Variants in MARCHF11 observed in about 807,000 individuals in gnomAD.
The protein encoded by MARCHF11 is membrane associated ring-CH-type finger 11.
A neutral mutation model predicts 37.3 loss-of-function variants in MARCHF11; 29 were observed. That is an observed-to-expected ratio of 0.78 (90% CI 0.58 to 1.06). The LOEUF (loss-of-function observed/expected upper bound fraction) is 1.06. MARCHF11 is among the 50% of genes least tolerant of loss of function. The pLI, the probability that MARCHF11 is intolerant of heterozygous loss-of-function variation, is 0.00. For synonymous variants in MARCHF11, 233 were observed against 228.0 expected (o/e 1.02, Z -0.20); for missense variants, 482 against 533.4 (o/e 0.90, Z 0.95).
At chr5:16,135,232 C>A (rs1234886105) in intron 2 of MARCHF11, among the ~76,000 whole-genome samples, 1 of 152,058 alleles carries the variant, frequency 6.6e-6, no homozygotes, top group Admixed American at 6.6e-5. Flanking sequence ...GGATGAGATT[C>A]AAAAGGGGCC....
At chr5:16,082,353 G>A (rs1482665904) in intron 3 of MARCHF11, among the ~76,000 whole-genome samples, 4 of 152,180 alleles carry the variant, frequency 2.6e-5, no homozygotes, top group African/African-American at 9.7e-5. Flanking sequence ...TGCTTGTAAA[G>A]GAATTCTACT....
At chr5:16,082,612 C>T (rs913104808) in intron 3 of MARCHF11, among the ~76,000 whole-genome samples, 3 of 152,064 alleles carry the variant, frequency 2.0e-5, no homozygotes, top group Non-Finnish European at 4.4e-5. Flanking sequence ...AATGTAGTTC[C>T]CAGATCAAAT....
intron 2 of MARCHF11, among the ~76,000 whole-genome samples, chr5:16,167,373 G>C (rs1738189591): frequency 6.6e-6 from 1 of 152,086 alleles, no homozygotes; most frequent in South Asian, 2.1e-4. Context: ...ATACATTCCA[G>C]ACCCAGAAAG....
intron 2 of MARCHF11, among the ~76,000 whole-genome samples, chr5:16,161,099 A>G (rs1738068473): frequency 6.6e-6 from 1 of 151,980 alleles, no homozygotes; most frequent in South Asian, 2.1e-4. Context: ...GGTTTGTTAC[A>G]TATGTATACA....
chr5:16,112,229 T>G (rs1015293407), intron 2 of MARCHF11, among the ~76,000 whole-genome samples: 9 of 152,106 alleles, frequency 5.9e-5, no homozygotes, highest in Non-Finnish European at 2.9e-5. Context: ...GTAAATCCAC[T>G]GACAGCTTGC....
intron 2 of MARCHF11, among the ~76,000 whole-genome samples, chr5:16,128,258 G>A (rs770953499): frequency 1.3e-5 from 2 of 152,140 alleles, no homozygotes; most frequent in Non-Finnish European, 2.9e-5. Context: ...CTGACTCAAG[G>A]CTCAGTGCAG....
intron 2 of MARCHF11, among the ~76,000 whole-genome samples, chr5:16,143,810 T>G (rs2126593492): frequency 6.6e-6 from 1 of 152,290 alleles, no homozygotes; most frequent in South Asian, 2.1e-4. Context: ...TGGGTTTGGG[T>G]TACACCCCCA....
At chr5:16,070,385 G>C (rs1477961239) in intron 3 of MARCHF11, among the ~76,000 whole-genome samples, 1 of 152,084 alleles carries the variant, frequency 6.6e-6, no homozygotes, top group African/African-American at 2.4e-5. Flanking sequence ...ATAAATACAA[G>C]ACATTATTAT....
At chr5:16,115,874 G>A (rs931773064) in intron 2 of MARCHF11, among the ~76,000 whole-genome samples, 2 of 152,144 alleles carry the variant, frequency 1.3e-5, no homozygotes, top group African/African-American at 4.8e-5. Flanking sequence ...TGATCCACCT[G>A]CCTCGGCCTC....
intron 2 of MARCHF11, among the ~76,000 whole-genome samples, chr5:16,121,943 A>G (rs188458726): frequency 1.5e-4 from 23 of 152,266 alleles, no homozygotes; most frequent in Admixed American, 1.4e-3. Flanking sequence ...TACAATACAG[A>G]CTGCAGCTCA....
Position 16,067,357 on chromosome 5 carries a change from T to A in MARCHF11, c.*114A>T, listed in dbSNP as rs190965957. 2.4e-3 allele frequency: 2,271 copies of A among 964,458 alleles called. 90 individuals are homozygous for A. The Admixed American group carries it at 0.055, about 24-fold the overall frequency. The allele number at this position is 964,458 out of a possible 1,614,324, so 59.7% of individuals were successfully genotyped here. A position where few individuals can be genotyped will look rare whatever the true frequency, so the allele number is the denominator to read the frequency against. The stretch of plus-strand genomic sequence containing the variant: ...AATTCAAATGTTCATATAAAAAGCA[T>A]AAATTTTAAAAAGTTCATAGATGTG... On this transcript the variant is annotated 3_prime_UTR_variant, in exon 4 of 4. Transcript: ENST00000332432.
intron 2 of MARCHF11, among the ~76,000 whole-genome samples, chr5:16,143,548 T>C (rs1438106129): frequency 6.6e-6 from 1 of 152,224 alleles, no homozygotes. Flanking sequence ...GTGTAACAGC[T>C]AATCTGATAC....
chr5:16,128,110 CCTG>C (rs1553996541), intron 2 of MARCHF11, among the ~76,000 whole-genome samples: 1 of 152,172 alleles, frequency 6.6e-6, no homozygotes, highest in Non-Finnish European at 1.5e-5. Context: ...ACCCACGAAA[CCTG>C]CTGAGGGTTC....
At chr5:16,151,538 CT>C (rs1171168168) in intron 2 of MARCHF11, among the ~76,000 whole-genome samples, 3,489 of 113,166 alleles carry the variant, frequency 0.031, 39 homozygotes, top group East Asian at 0.043. Context: ...TCAGGCTGAT[CT>C]TTTTTTTTTT....
intron 2 of MARCHF11, among the ~76,000 whole-genome samples, chr5:16,174,141 C>T (rs1010272478): frequency 1.3e-5 from 2 of 152,142 alleles, no homozygotes; most frequent in Admixed American, 1.3e-4. Context: ...TATAATGCTC[C>T]CAACATCTCA....
chr5:16,108,015 G>T (rs1056604323), intron 2 of MARCHF11, among the ~76,000 whole-genome samples: 2 of 152,158 alleles, frequency 1.3e-5, no homozygotes, highest in Non-Finnish European at 2.9e-5. Context: ...CTTCCATGAC[G>T]CTGGACAAGA....
At chr5:16,081,009 C>T (rs540320768) in intron 3 of MARCHF11, among the ~76,000 whole-genome samples, 7 of 152,112 alleles carry the variant, frequency 4.6e-5, no homozygotes, top group Non-Finnish European at 7.3e-5. Context: ...AGATTTCATA[C>T]GATGTCTTTA....
At chr5:16,071,986 G>C (rs1736447015) in intron 3 of MARCHF11, among the ~76,000 whole-genome samples, 1 of 152,002 alleles carries the variant, frequency 6.6e-6, no homozygotes, top group African/African-American at 2.4e-5. Flanking sequence ...TTGAGACAGA[G>C]TCTCGCTCTG....
intron 3 of MARCHF11, among the ~76,000 whole-genome samples, chr5:16,072,356 T>C (rs960125659): frequency 3.3e-5 from 5 of 152,166 alleles, no homozygotes; most frequent in Non-Finnish European, 7.4e-5. Flanking sequence ...AACTCATATG[T>C]TGAAGCCCTA....
Sources: gnomAD v4.1 joint callset for allele counts (sites outside exome capture counted in the v4.1 genomes callset) on GRCh38, gnomAD v4.1.1 for gene constraint, MANE v1.5 for transcripts, NCBI Gene and HGNC (gene_info 2026-07-23, HGNC 2026-07-21) for gene names.